Variants in DIP2C observed in about 807,000 individuals in gnomAD.
DIP2C encodes the protein DIP2 acetate--CoA ligase C (putative), also known as disco-interacting protein 2 homolog C.
DIP2C carries 33 observed loss-of-function variants against 192.4 expected under a neutral mutation model. The observed-to-expected ratio is 0.17, with a 90% confidence interval of 0.13 to 0.23. DIP2C has a LOEUF of 0.23. Among genes scored for constraint, DIP2C ranks in the 10% least tolerant of loss-of-function variants. DIP2C has a pLI of 1.00. For missense variants in DIP2C, 1,537 were observed against 2,110.1 expected, an observed-to-expected ratio of 0.73 and a Z score of 5.32; for synonymous variants, 979 against 864.1, an observed-to-expected ratio of 1.13 and a Z score of -2.33.
intron 1 of DIP2C, among the ~76,000 whole-genome samples, chr10:637,527 G>A (rs1854906393): frequency 6.6e-6 from 1 of 152,238 alleles, no homozygotes; most frequent in Non-Finnish European, 1.5e-5. Flanking sequence ...AGTGGAAGGA[G>A]CGAGGGAGCT....
chr10:568,002 C>T (rs1849550245), intron 1 of DIP2C, among the ~76,000 whole-genome samples: 1 of 151,962 alleles, frequency 6.6e-6, no homozygotes, highest in African/African-American at 2.4e-5. Context: ...CCGAGCTTCC[C>T]ACACCGACTA....
rs369490169 is a variant in DIP2C at position 556,086 on chromosome 10, AC to A, written c.86-69557del. 2.3e-4 allele frequency among the ~76,000 whole-genome samples: 11 copies of A among 48,236 alleles called. 1 individual carries two copies. In the South Asian group the frequency reaches 0.012, roughly 51 times the overall value. The allele number at this position is 48,236 out of a possible 152,430, so 31.6% of individuals were successfully genotyped here. A position where few individuals can be genotyped will look rare whatever the true frequency, so the allele number is the denominator to read the frequency against. On this transcript the variant is annotated intron_variant, in intron 1 of 36. Coordinates refer to ENST00000280886, the MANE Select transcript of DIP2C (RefSeq NM_014974.3). Reference sequence around the variant, plus strand: ...TCGGATCCCAGGACAGCACCCACCCACCCCCCCTTCCATAGCCGGATCCCCG... The same window carrying A: ...TCGGATCCCAGGACAGCACCCACCCACCCCCCTTCCATAGCCGGATCCCCG...
At position 384,073 on chromosome 10, in the gene DIP2C, G is replaced by A. The variant is rs1962636409; in HGVS notation, c.1830C>T (p.Asn610=). ...CTATCAGCATTCGCAGAGAGGAGAG[G>A]TTGATGTCTCTCTGATCTCTGTGTG... ...LVAHRDQRDI[N]LSSLRMLIVA... Residue 610 remains asparagine, a synonymous_variant, in exon 16 of 37, where the codon AAC becomes AAT. Transcript: ENST00000280886. 1 of 1,611,734 alleles carries A rather than the reference G, an allele frequency of 6.2e-7. No homozygotes were observed. Among genetic ancestry groups the A allele is most frequent in the Non-Finnish European group, 8.5e-7 (1 of 1,179,402 alleles).
chr10:390,425 G>A, intron 11 of DIP2C, 52 bp from the exon 12 acceptor site: 2 of 1,539,020 alleles, frequency 1.3e-6, no homozygotes, highest in African/African-American at 1.4e-5. Context: ...AAGTCGGTCT[G>A]TAGAATTTCT....
intron 6 of DIP2C, among the ~76,000 whole-genome samples, chr10:416,841 G>A (rs1000379529): frequency 1.3e-5 from 2 of 152,174 alleles, no homozygotes; most frequent in Admixed American, 6.5e-5. Flanking sequence ...CTTGGACGGT[G>A]CAGGGGTCTC....
chr10:625,255 C>A (rs181361776), intron 1 of DIP2C, among the ~76,000 whole-genome samples: 1 of 152,204 alleles, frequency 6.6e-6, no homozygotes, highest in Non-Finnish European at 1.5e-5. Context: ...CCTCCCCCGC[C>A]GCTTCCCGTC....
chr10:330,268 CAG>C (rs1419655914), intron 29 of DIP2C, among the ~76,000 whole-genome samples: 8 of 152,128 alleles, frequency 5.3e-5, no homozygotes, highest in African/African-American at 1.9e-4. Context: ...AATTACCAAA[CAG>C]AAGAAATAGA....
Position 528,954 on chromosome 10 carries a change from A to G in DIP2C, c.86-42424T>C, listed in dbSNP as rs965792946. Among the ~76,000 whole-genome samples, 149 of 152,322 alleles carry G rather than the reference A, an allele frequency of 9.8e-4. 5 individuals are homozygous for G. The highest frequency in any genetic ancestry group is 3.5e-4 in the Non-Finnish European group (24 of 68,030). ...AAACAACAGGAACGAGAACACTACC[A>G]GCAGCTTCTGAGATGGGCAAGCTGA... On this transcript the variant is annotated intron_variant, in intron 1 of 36. Transcript: ENST00000280886.
intron 24 of DIP2C, among the ~76,000 whole-genome samples, chr10:355,683 T>C (rs1022567819): frequency 6.6e-6 from 1 of 152,208 alleles, no homozygotes; most frequent in Admixed American, 6.5e-5. Context: ...ATTTGATGAG[T>C]GTAGTTTTCT....
intron 3 of DIP2C, among the ~76,000 whole-genome samples, chr10:467,413 G>C (rs1256954951): frequency 6.6e-6 from 1 of 150,532 alleles, no homozygotes; most frequent in African/African-American, 2.4e-5. Context: ...GATAGCATTG[G>C]GAGATATACC....
At chr10:658,783 T>G (rs144808879) in intron 1 of DIP2C, among the ~76,000 whole-genome samples, 98 of 152,356 alleles carry the variant, frequency 6.4e-4, no homozygotes, top group African/African-American at 2.3e-3. Flanking sequence ...CCCAATGGTA[T>G]ATGTAAATAT....
At chr10:383,508 ATTTACT>A (rs1962572723) in intron 16 of DIP2C, among the ~76,000 whole-genome samples, 1 of 152,202 alleles carries the variant, frequency 6.6e-6, no homozygotes, top group East Asian at 1.9e-4. Context: ...GGAGCTGCTA[ATTTACT>A]TTAACTGGGT....
chr10:670,793 A>G (rs1830595699), intron 1 of DIP2C, among the ~76,000 whole-genome samples: 1 of 152,224 alleles, frequency 6.6e-6, no homozygotes, highest in African/African-American at 2.4e-5. Context: ...AAAATGAAGC[A>G]TGTTTTTGAG....
At chr10:316,234 T>C (rs1239785331) in intron 31 of DIP2C, among the ~76,000 whole-genome samples, 1 of 152,202 alleles carries the variant, frequency 6.6e-6, no homozygotes, top group Non-Finnish European at 1.5e-5. Context: ...TATAACACAA[T>C]GTTTTATGAA....
chr10:401,314 G>A (rs1159646989), intron 9 of DIP2C, among the ~76,000 whole-genome samples: 8 of 150,620 alleles, frequency 5.3e-5, no homozygotes, highest in South Asian at 2.1e-4. Flanking sequence ...AGTTTGGTAT[G>A]TGTTCATCAG....
intron 16 of DIP2C, among the ~76,000 whole-genome samples, chr10:383,128 A>G (rs1962527001): frequency 6.6e-6 from 1 of 152,256 alleles, no homozygotes; most frequent in Non-Finnish European, 1.5e-5. Flanking sequence ...TCGAGGCACA[A>G]TTATCAAGAA....
intron 1 of DIP2C, among the ~76,000 whole-genome samples, chr10:579,154 CCA>C (rs774708210): frequency 7.8e-4 from 118 of 150,794 alleles, no homozygotes; most frequent in Non-Finnish European, 1.4e-3. Flanking sequence ...GAGCATACAC[CCA>C]GATACAGTGT....
chr10:649,943 C>T, intron 1 of DIP2C: 2 of 612,098 alleles, frequency 3.3e-6, no homozygotes, highest in Non-Finnish European at 5.8e-6. Context: ...TTGCCGCACA[C>T]CATTAACACA....
At chr10:498,771 A>ACT (rs1252261554) in intron 1 of DIP2C, among the ~76,000 whole-genome samples, 1 of 151,948 alleles carries the variant, frequency 6.6e-6, no homozygotes, top group Non-Finnish European at 1.5e-5. Flanking sequence ...CCAGGACCCC[A>ACT]CTCACCGTTT....
Sources: allele counts gnomAD v4.1 joint callset (sites outside exome capture counted in the v4.1 genomes callset), GRCh38; gene constraint gnomAD v4.1.1; transcripts MANE v1.5; gene names NCBI Gene and HGNC (gene_info 2026-07-23, HGNC 2026-07-21).